Variants in GOLGA6L2 observed in about 807,000 individuals in gnomAD.
The protein encoded by GOLGA6L2 is golgin A6 family like 2.
A neutral mutation model predicts 35.9 loss-of-function variants in GOLGA6L2; 30 were observed. That is an observed-to-expected ratio of 0.83 (90% CI 0.62 to 1.13). The LOEUF (loss-of-function observed/expected upper bound fraction) is 1.13, where lower values mean the gene tolerates loss of function less well. Ranked by LOEUF, GOLGA6L2 falls within the 50% of genes most tolerant of loss-of-function variation. The pLI is 0.00. For synonymous variants in GOLGA6L2, 297 were observed against 344.0 expected (o/e 0.86, Z 1.51); for missense variants, 821 against 973.4 (o/e 0.84, Z 2.08).
In GOLGA6L2 at chr15:23,441,255, C is replaced by T. The variant is rs183111797; in HGVS notation, c.1220G>A (p.Arg407Gln). ...ERMWEQDERL[R>Q]EKEERMREQE... ...CTCCCGCATCCTCTCCTCCTTCTCC[C>T]GTAGCCTCTCGTCCTGCTCCCACAT... Residue 407 changes from arginine (R) to glutamine (Q), a missense_variant, in exon 8 of 8, where the codon CGG (arginine) becomes CAG (glutamine). Physicochemically the swap from Arg to Gln is conservative, Grantham distance 43 (BLOSUM62 1). This residue lies in a region of GOLGA6L2 where 614 missense variants were observed against 632.3 expected (regional missense o/e 0.97). Coordinates refer to ENST00000567107, the MANE Select transcript of GOLGA6L2 (RefSeq NM_001304388.2). The T allele has an allele frequency of 2.0e-4, 311 of 1,536,644 alleles. 1 individual carries two copies. The African/African-American group carries it at 2.1e-3, about 10-fold the overall frequency.
chr15:23,441,054 T>TCC lies in GOLGA6L2; in HGVS notation c.1420_1421insGG (p.Gln474ArgfsTer505). On this transcript the variant is annotated frameshift_variant, in exon 8 of 8. Coordinates refer to ENST00000567107, the MANE Select transcript of GOLGA6L2 (RefSeq NM_001304388.2). LOFTEE classifies it low-confidence loss of function (END_TRUNC). ...CTCCCACATATTCTCCTCCTGCTTC[T>TCC]GCATCTTCTCCTCCTGCTCCCGCAT... is the stretch of plus-strand genomic sequence containing the variant. 6.9e-7 allele frequency: 1 copy of TCC among 1,454,958 alleles called. No homozygotes were observed. Among genetic ancestry groups the TCC allele is most frequent in the East Asian group, 2.6e-5 (1 of 39,210 alleles). The allele number at this position is 1,454,958 out of a possible 1,614,324, so 90.1% of individuals were successfully genotyped here.
In GOLGA6L2 at chr15:23,442,100, T is replaced by C; in HGVS notation, c.671A>G (p.Lys224Arg). 6.4e-7 allele frequency: 1 copy of C among 1,557,168 alleles called. No homozygotes were observed. The highest frequency in any genetic ancestry group is 1.2e-5 in the South Asian group (1 of 86,286). The change falls in exon 7 of 8, where the codon AAG becomes AGG. Residue 224 changes from lysine to arginine, a missense_variant. By Grantham distance (26) the Lys-to-Arg change is conservative. Around this residue, in one of 7 missense-constraint regions of GOLGA6L2, gnomAD observed 614 missense variants for 632.3 expected, o/e 0.97. Coordinates refer to ENST00000567107, the MANE Select transcript of GOLGA6L2 (RefSeq NM_001304388.2). ...TTCTTGTAGTTCGGCATTTTTCTTCTTCAGCTCCTCATTGGTTATGCTATG... is the reference window on the plus strand; with the variant it reads ...TTCTTGTAGTTCGGCATTTTTCTTCCTCAGCTCCTCATTGGTTATGCTATG... ...YRNTITNEEL[K>R]KKNAELQEKL...
In GOLGA6L2 at chr15:23,443,876, G is replaced by A. The variant is rs183226555; in HGVS notation, c.492C>T (p.Ser164=). The change falls in exon 5 of 8, where the codon TCC becomes TCT. Residue 164 remains serine, a synonymous_variant. Transcript: ENST00000567107. ...CVSTSLIPGE[S]KDLAGRLHHS... is the part of the protein sequence containing the mutation. ...GATGCAAGCGGCCGGCGAGATCCTT[G>A]GACTCTCCTGGAATGAGAGAGGTTG... The A allele has an allele frequency of 2.6e-6, 4 of 1,542,246 alleles. No individual in the cohort carries two copies. In the Admixed American group the frequency reaches 7.8e-5, roughly 30 times the overall value.
chr15:23,442,563 G>A (rs566651172), intron 5 of GOLGA6L2, 55 bp from the exon 6 acceptor site: 175 of 1,518,894 alleles, frequency 1.2e-4, no homozygotes, highest in Middle Eastern at 1.7e-4. Context: ...GCAGCTGGCC[G>A]ACCAGGAACA....
At position 23,443,774 on chromosome 15, in the gene GOLGA6L2, T is replaced by C. The variant is rs1216008360; in HGVS notation, c.591+3A>G. 4.6e-6 allele frequency: 7 copies of C among 1,535,938 alleles called. No homozygotes were observed. The highest frequency in any genetic ancestry group is 1.7e-4 in the Middle Eastern group (1 of 6,004). On this transcript the variant is annotated splice_donor_region_variant and intron_variant, in intron 5 of 7. Transcript: ENST00000567107. Reference sequence around the variant, plus strand: ...AGGAGACTGGGGAGGTGATTGGACTTACCCTGTCTGCCTTCTTGTGCCATG... The same window carrying C: ...AGGAGACTGGGGAGGTGATTGGACTCACCCTGTCTGCCTTCTTGTGCCATG...
At chr15:23,441,797 T>C in intron 7 of GOLGA6L2, 115 bp from the exon 8 acceptor site, 1 of 1,365,844 alleles carries the variant, frequency 7.3e-7, no homozygotes, top group Non-Finnish European at 9.6e-7. Context: ...GGTTCTGATT[T>C]CCCAGGCAGG....
In GOLGA6L2 at chr15:23,439,356, C is replaced by A. The variant is rs1168448658; in HGVS notation, c.*389G>T. The A allele has an allele frequency of 2.7e-5, 9 of 328,086 alleles. No individual in the cohort carries two copies. The highest frequency in any genetic ancestry group is 1.5e-4 in the African/African-American group (7 of 46,762). 20.3% of individuals were successfully genotyped at this position (328,086 alleles called of 1,614,324 possible). On this transcript the variant is annotated 3_prime_UTR_variant, in exon 8 of 8. Transcript: ENST00000567107. ...GAACTCCTGACCTCAGGTGATCCACCCCCTCTAGGTCTCCCAAAGTGCTGC... is the reference window on the plus strand; with the variant it reads ...GAACTCCTGACCTCAGGTGATCCACACCCTCTAGGTCTCCCAAAGTGCTGC...
chr15:23,441,928 T>C (rs1239453284), intron 7 of GOLGA6L2, 51 bp downstream of exon 7: 56 of 1,528,220 alleles, frequency 3.7e-5, no homozygotes, highest in Non-Finnish European at 4.6e-5. Context: ...CCCTAGACCA[T>C]GGTCCTAGCT....
Position 23,439,485 on chromosome 15 carries a change from A to T in GOLGA6L2, c.*260T>A. 1.1e-6 allele frequency: 1 copy of T among 904,494 alleles called. No homozygotes were observed. Among genetic ancestry groups the T allele is most frequent in the Non-Finnish European group, 1.6e-6 (1 of 611,374 alleles). The allele number at this position is 904,494 out of a possible 1,614,324, so 56.0% of individuals were successfully genotyped here. ...TTTTTCAAGTTTGTGCTCAGACTAT[A>T]TTCACACAGTGACATGGCGGCTTAT... is the stretch of plus-strand genomic sequence containing the variant. On this transcript the variant is annotated 3_prime_UTR_variant, in exon 8 of 8. Transcript: ENST00000567107.
chr15:23,442,330 C>T, intron 6 of GOLGA6L2, 120 bp downstream of exon 6: 1 of 1,269,978 alleles, frequency 7.9e-7, no homozygotes, highest in Non-Finnish European at 1.1e-6. Context: ...CTAGAGCTTC[C>T]CTGTGCACAC....
Position 23,439,824 on chromosome 15 carries a change from C to G in GOLGA6L2, c.2651G>C (p.Arg884Thr). 1 of 1,535,292 alleles carries G rather than the reference C, an allele frequency of 6.5e-7. No homozygotes were observed. The highest frequency in any genetic ancestry group is 8.7e-7 in the Non-Finnish European group (1 of 1,146,396). ...TCTGGCAGCCTCTCCTGCATCTTCT[C>G]TTTCTGATCTCGTATCCTCTCCTCC... ...REGGEDTRSE[R>T]EDAGEAARAR... is the part of the protein sequence containing the mutation. Residue 884 changes from arginine to threonine, a missense_variant, in exon 8 of 8, where the codon AGA becomes ACA. Arg to Thr is a moderately conservative substitution (Grantham distance 71, BLOSUM62 -1). Transcript: ENST00000567107.
At position 23,443,006 on chromosome 15, in the gene GOLGA6L2, A is replaced by T. The variant is rs1287809806; in HGVS notation, c.592-498T>A. 2.0e-5 allele frequency among the ~76,000 whole-genome samples: 3 copies of T among 152,294 alleles called. No individual in the cohort carries two copies. The East Asian group carries it at 5.8e-4, about 29-fold the overall frequency. ...ACCTTTCTTGAGTGCTTCACCAGGC[A>T]CTATGCTAACAATCCCATTTAATCC... On this transcript the variant is annotated intron_variant, in intron 5 of 7. Transcript: ENST00000567107.
intron 5 of GOLGA6L2, 70 bp from the exon 6 acceptor site, chr15:23,442,578 C>A: frequency 7.1e-7 from 1 of 1,407,014 alleles, no homozygotes; most frequent in Non-Finnish European, 9.7e-7. Context: ...GGAACAACAG[C>A]TACACTGATA....
At chr15:23,446,208 TA>T (rs35069525) in intron 1 of GOLGA6L2, among the ~76,000 whole-genome samples, 2 of 151,804 alleles carry the variant, frequency 1.3e-5, no homozygotes, top group Non-Finnish European at 2.9e-5. Flanking sequence ...AGAAAACTGT[TA>T]AAGTCTCTCT....
chr15:23,447,082 A>AC lies in GOLGA6L2; in HGVS notation c.84+15dup. 1 of 1,362,244 alleles carries AC rather than the reference A, an allele frequency of 7.3e-7. No homozygotes were observed. The highest frequency in any genetic ancestry group is 9.9e-7 in the Non-Finnish European group (1 of 1,009,726). 84.4% of individuals were successfully genotyped at this position (1,362,244 alleles called of 1,614,324 possible). ...GCTGGGTTGGGGTTGGGGTGCCGCA[A>AC]CCCAGTGAGTTTTACCTTTTTCTTG... On this transcript the variant is annotated intron_variant, in intron 1 of 7. Transcript: ENST00000567107.
rs2070729027 is a variant in GOLGA6L2, at chr15:23,444,021, G to C, written c.347C>G (p.Thr116Arg). 4 of 1,552,334 alleles carry C rather than the reference G, an allele frequency of 2.6e-6. No homozygotes were observed. In the East Asian group the frequency reaches 9.5e-5, roughly 37 times the overall value. Residue 116 changes from threonine (T) to arginine (R), a missense_variant, in exon 5 of 8, where the codon ACA (threonine) becomes AGA (arginine). Thr to Arg is a moderately conservative substitution (Grantham distance 71, BLOSUM62 -1). This residue lies in a region of GOLGA6L2 where 614 missense variants were observed against 632.3 expected (regional missense o/e 0.97). Transcript: ENST00000567107. ...ILTCQKTELE[T>R]ALYYSQDAAR... ...AGCATCCTGGCTGTAATAGAGCGCT[G>C]TCTCCAGTTCAGTTTTCTGACACGT...
At chr15:23,443,711 CT>C in intron 5 of GOLGA6L2, 65 bp downstream of exon 5, 1 of 1,265,046 alleles carries the variant, frequency 7.9e-7, no homozygotes, top group Non-Finnish European at 1.1e-6. Context: ...CAGGAGGGAC[CT>C]TTAGGCTCAT....
chr15:23,447,170 T>A lies in GOLGA6L2; in HGVS notation c.12A>T (p.Gln4His), dbSNP rs1409357706. ...TCATGGGGTGGGGAGGGAGGTGGGG[T>A]TGGGGCCACATCAGCGTGATTCAGA... MWP[Q>H]PHLPPHPMMS... Residue 4 changes from glutamine to histidine, a missense_variant, in exon 1 of 8, where the codon CAA (glutamine) becomes CAT (histidine). By Grantham distance (24) the Gln-to-His change is conservative. This residue lies in a region of GOLGA6L2 where 48 missense variants were observed against 31.7 expected (regional missense o/e 1.51). Transcript: ENST00000567107. The A allele has an allele frequency of 6.3e-7, 1 of 1,575,718 alleles. No individual in the cohort carries two copies. Among genetic ancestry groups the A allele is most frequent in the Admixed American group, 1.7e-5 (1 of 59,474 alleles).
At position 23,447,132 on chromosome 15, in the gene GOLGA6L2, G is replaced by T. The variant is rs200810454; in HGVS notation, c.50C>A (p.Thr17Asn). 413 of 1,086,784 alleles carry T rather than the reference G, an allele frequency of 3.8e-4. No homozygotes were observed. Among genetic ancestry groups the T allele is most frequent in the Non-Finnish European group, 4.6e-4 (353 of 770,036 alleles). 67.3% of individuals were successfully genotyped at this position (1,086,784 alleles called of 1,614,324 possible). ...GGCCTCAGCCAATTTGTTCTGTCTG[G>T]TTTTTTCTGACATCATGGGGTGGGG... is the stretch of plus-strand genomic sequence containing the variant. ...LPPHPMMSEK[T>N]RQNKLAEAKK... Residue 17 changes from threonine to asparagine, a missense_variant, in exon 1 of 8, where the codon ACC becomes AAC. This residue lies in a region of GOLGA6L2 where 48 missense variants were observed against 31.7 expected (regional missense o/e 1.51). Transcript: ENST00000567107.
Sources: gnomAD v4.1 joint callset for allele counts (sites outside exome capture counted in the v4.1 genomes callset) on GRCh38, gnomAD v4.1.1 for gene constraint, gnomAD v4.1.1 regional missense constraint, MANE v1.5 for transcripts, NCBI Gene and HGNC (gene_info 2026-07-23, HGNC 2026-07-21) for gene names.